The following OXR1 variants were observed in gnomAD, a reference collection of about 807,000 sequenced individuals.
OXR1 encodes oxidation resistance 1.
A neutral mutation model predicts 104.6 loss-of-function variants in OXR1; 41 were observed. That is an observed-to-expected ratio of 0.39 (90% CI 0.31 to 0.51). The LOEUF (loss-of-function observed/expected upper bound fraction) is 0.51. Among genes scored for constraint, OXR1 ranks in the 20% least tolerant of loss-of-function variants. The pLI is 0.77. For synonymous variants in OXR1, 348 were observed against 348.4 expected, an observed-to-expected ratio of 1.00 and a Z score of 0.01; for missense variants, 955 against 1,031.9, an observed-to-expected ratio of 0.93 and a Z score of 1.02.
At chr8:106,749,891 A>G (rs1304232997) in intron 16 of OXR1, among the ~76,000 whole-genome samples, 2 of 152,084 alleles carry the variant, frequency 1.3e-5, no homozygotes, top group Non-Finnish European at 2.9e-5. Flanking sequence ...ATTGGACCTT[A>G]TAATCTATCT....
intron 2 of OXR1, among the ~76,000 whole-genome samples, chr8:106,395,178 A>C (rs1292969102): frequency 6.6e-6 from 1 of 152,178 alleles, no homozygotes; most frequent in African/African-American, 2.4e-5. Flanking sequence ...AGCCAGATTT[A>C]TCACTATCAG....
intron 3 of OXR1, among the ~76,000 whole-genome samples, chr8:106,667,966 T>TAAA (rs745369882): frequency 1.5e-5 from 2 of 131,940 alleles, no homozygotes; most frequent in African/African-American, 5.6e-5. Flanking sequence ...AAGCAAATTC[T>TAAA]AAAAAAAAAA....
chr8:106,477,804 T>C (rs1019418414), intron 2 of OXR1, among the ~76,000 whole-genome samples: 1 of 151,924 alleles, frequency 6.6e-6, no homozygotes, highest in African/African-American at 2.4e-5. Flanking sequence ...ATAGTGTAAT[T>C]TTTTTATTAT....
At chr8:106,307,963 GAC>G (rs372296719) in intron 1 of OXR1, among the ~76,000 whole-genome samples, 7 of 149,830 alleles carry the variant, frequency 4.7e-5, no homozygotes, top group Non-Finnish European at 7.4e-5. Flanking sequence ...AAACCAAAAG[GAC>G]ACACACACAC....
intron 9 of OXR1, among the ~76,000 whole-genome samples, chr8:106,710,091 C>T (rs962620617): frequency 6.6e-5 from 10 of 152,142 alleles, no homozygotes; most frequent in Middle Eastern, 6.8e-3. Flanking sequence ...AGAACTAATT[C>T]GTTCTTAATT....
chr8:106,551,860 A>ATGTGTG (rs71307068), intron 3 of OXR1, among the ~76,000 whole-genome samples: 6,758 of 126,422 alleles, frequency 0.053, 203 homozygotes, highest in Non-Finnish European at 0.069. Flanking sequence ...GTGTATATAT[A>ATGTGTG]TGTGTGTGTG....
chr8:106,552,949 A>G (rs1815964181), intron 3 of OXR1, among the ~76,000 whole-genome samples: 1 of 152,226 alleles, frequency 6.6e-6, no homozygotes, highest in African/African-American at 2.4e-5. Context: ...ATCATCCTGG[A>G]TAACAAAGAC....
intron 11 of OXR1, among the ~76,000 whole-genome samples, chr8:106,719,303 A>G (rs956012260): frequency 3.9e-5 from 6 of 152,228 alleles, no homozygotes; most frequent in South Asian, 4.1e-4. Flanking sequence ...GCCTATTGAC[A>G]TCTGCTATTT....
In OXR1 at chr8:106,739,450, T is replaced by C. The variant is rs1587301707; in HGVS notation, c.2038-8T>C. ...ACATTAATGCACTACCTCTATTTAC[T>C]GTTTTAGATTACTACAAGGGAAGAC... On this transcript the variant is annotated splice_polypyrimidine_tract_variant and splice_region_variant and intron_variant, in intron 12 of 16. Transcript: ENST00000517566. 6.2e-7 allele frequency: 1 copy of C among 1,609,894 alleles called. No homozygotes were observed. The highest frequency in any genetic ancestry group is 2.2e-5 in the East Asian group (1 of 44,830).
intron 3 of OXR1, among the ~76,000 whole-genome samples, chr8:106,620,165 G>A (rs1288376712): frequency 6.6e-6 from 1 of 152,120 alleles, no homozygotes; most frequent in Non-Finnish European, 1.5e-5. Flanking sequence ...TAGTGAGATT[G>A]TATTATAACT....
At chr8:106,297,819 G>T (rs1813063425) in intron 1 of OXR1, among the ~76,000 whole-genome samples, 2 of 152,142 alleles carry the variant, frequency 1.3e-5, no homozygotes, top group African/African-American at 4.8e-5. Flanking sequence ...CTTTGCCTAA[G>T]AACACCTTGG....
At chr8:106,285,953 C>T (rs1812484099) in intron 1 of OXR1, among the ~76,000 whole-genome samples, 1 of 151,856 alleles carries the variant, frequency 6.6e-6, no homozygotes, top group Non-Finnish European at 1.5e-5. Flanking sequence ...CCTTTGTGGA[C>T]TGCCCTCGCC....
chr8:106,655,215 T>G (rs1824946679), intron 3 of OXR1, among the ~76,000 whole-genome samples: 1 of 152,226 alleles, frequency 6.6e-6, no homozygotes, highest in African/African-American at 2.4e-5. Flanking sequence ...GATTACATTT[T>G]GATGATGGCT....
rs552660368 is a variant in OXR1, at chr8:106,610,244, A to C, written c.221-68966A>C. ...AAATTCTGTCTATTCAACCCTGCAAATTCTCATCAGTTGATCCACTTCTGT... is the reference window on the plus strand; with the variant it reads ...AAATTCTGTCTATTCAACCCTGCAACTTCTCATCAGTTGATCCACTTCTGT... On this transcript the variant is annotated intron_variant, in intron 3 of 16. Transcript: ENST00000517566. Among the ~76,000 whole-genome samples, 45 of 152,024 alleles carry C rather than the reference A, an allele frequency of 3.0e-4. 1 individual carries two copies. Among genetic ancestry groups the C allele is most frequent in the Non-Finnish European group, 5.4e-4 (37 of 68,010 alleles).
At chr8:106,628,107 T>G (rs1388153529) in intron 3 of OXR1, among the ~76,000 whole-genome samples, 1 of 152,186 alleles carries the variant, frequency 6.6e-6, no homozygotes, top group Non-Finnish European at 1.5e-5. Context: ...GCCTTCTTCA[T>G]GTGGTCCAAA....
chr8:106,424,686 TC>T, intron 2 of OXR1, among the ~76,000 whole-genome samples: 1 of 152,152 alleles, frequency 6.6e-6, no homozygotes, highest in Admixed American at 6.6e-5. Flanking sequence ...ATTATAAATC[TC>T]CAGTGAATTT....
intron 7 of OXR1, among the ~76,000 whole-genome samples, chr8:106,701,271 A>G (rs988478069): frequency 5.3e-5 from 8 of 152,162 alleles, no homozygotes; most frequent in African/African-American, 1.7e-4. Context: ...ACACACACAT[A>G]TACTCTTCTC....
chr8:106,697,999 T>TC, intron 7 of OXR1: 2 of 1,613,002 alleles, frequency 1.2e-6, no homozygotes, highest in Non-Finnish European at 1.7e-6. Flanking sequence ...ATAATGCAGG[T>TC]CCCCTGTTGG....
intron 10 of OXR1, among the ~76,000 whole-genome samples, chr8:106,712,058 G>A (rs1411929059): frequency 1.3e-5 from 2 of 152,040 alleles, no homozygotes; most frequent in Admixed American, 6.6e-5. Flanking sequence ...ATAGGACTCA[G>A]CATCAGTTCT....
Sources: allele counts gnomAD v4.1 joint callset (sites outside exome capture counted in the v4.1 genomes callset), GRCh38; gene constraint gnomAD v4.1.1; transcripts MANE v1.5; gene names NCBI Gene and HGNC (gene_info 2026-07-23, HGNC 2026-07-21).